DNAH5: variants seen among roughly 807,000 people sequenced by gnomAD.
The protein encoded by DNAH5 is dynein axonemal heavy chain 5, also known as axonemal beta dynein heavy chain 5.
In DNAH5, 372 loss-of-function variants were observed where a neutral mutation model predicts 518.2. That is an observed-to-expected ratio of 0.72 (90% CI 0.66 to 0.78). The LOEUF is 0.78. Among genes scored for constraint, DNAH5 ranks in the 30% least tolerant of loss-of-function variants. The probability of loss-of-function intolerance (pLI) is 0.00; values close to 1 mark genes in which losing one functional copy is unlikely to be tolerated. For missense variants in DNAH5, 5,523 were observed against 5,687.0 expected (o/e 0.97, Z 0.93); for synonymous variants, 2,039 against 2,025.9 (o/e 1.01, Z -0.17).
chr5:13,697,193 A>G (rs746561928), intron 78 of DNAH5, among the ~76,000 whole-genome samples: 1 of 152,192 alleles, frequency 6.6e-6, no homozygotes, highest in Non-Finnish European at 1.5e-5. Flanking sequence ...CTAAAATACT[A>G]TTTTTGGCTA....
Position 13,904,865 on chromosome 5 carries a change from C to T in DNAH5, c.1645-2727G>A, listed in dbSNP as rs1031449237. 1.1e-4 allele frequency among the ~76,000 whole-genome samples: 17 copies of T among 151,954 alleles called. No homozygotes were observed. In the Middle Eastern group the frequency reaches 0.02, roughly 182 times the overall value. ...GATCGAGGCTGCTGTGAGCCAAGATCGCACCACTGCACTCCAGCCTGGGTG... is the reference window on the plus strand; with the variant it reads ...GATCGAGGCTGCTGTGAGCCAAGATTGCACCACTGCACTCCAGCCTGGGTG... On this transcript the variant is annotated intron_variant, in intron 12 of 78. Coordinates refer to ENST00000265104, the MANE Select transcript of DNAH5 (RefSeq NM_001369.3).
At chr5:13,721,708 G>T (rs1464021722) in intron 70 of DNAH5, among the ~76,000 whole-genome samples, 1 of 152,170 alleles carries the variant, frequency 6.6e-6, no homozygotes, top group East Asian at 1.9e-4. Context: ...TTGAATGAAT[G>T]AATTAGTTTT....
intron 75 of DNAH5, among the ~76,000 whole-genome samples, chr5:13,711,757 C>T (rs996524585): frequency 1.3e-5 from 2 of 152,120 alleles, no homozygotes; most frequent in African/African-American, 4.8e-5. Flanking sequence ...AAATCAAGAA[C>T]GCAACCCCTT....
intron 18 of DNAH5, 58 bp from the exon 19 acceptor site, chr5:13,885,286 T>G: frequency 6.3e-7 from 1 of 1,578,596 alleles, no homozygotes; most frequent in Non-Finnish European, 8.7e-7. Context: ...GATGGATAGA[T>G]AGACAGATAG....
At chr5:13,748,160 C>G (rs1360913635) in intron 65 of DNAH5, among the ~76,000 whole-genome samples, 3 of 152,058 alleles carry the variant, frequency 2.0e-5, no homozygotes, top group Non-Finnish European at 4.4e-5. Flanking sequence ...GCTTGTTTTT[C>G]TCAGGTTTGT....
Position 13,900,322 on chromosome 5 carries a change from A to T in DNAH5, c.2143T>A (p.Leu715Ile). The change falls in exon 15 of 79, where the codon TTA (leucine) becomes ATA (isoleucine). Residue 715 changes from leucine to isoleucine, a missense_variant. Physicochemically the swap from Leu to Ile is conservative, Grantham distance 5. This residue lies in a region of DNAH5 where 5,121 missense variants were observed against 5,223.3 expected (regional missense o/e 0.98). Transcript: ENST00000265104. ...CACTCTGTTTCTCTAAATAAGATTAATATCTGAGGGTCAAAGTTTACAAAC... is the reference window on the plus strand; with the variant it reads ...CACTCTGTTTCTCTAAATAAGATTATTATCTGAGGGTCAAAGTTTACAAAC... ...ELFVNFDPQILILFRETECMA... is the reference protein window; with the variant it reads ...ELFVNFDPQIIILFRETECMA... 20 of 1,614,144 alleles carry T rather than the reference A, an allele frequency of 1.2e-5. No individual in the cohort carries two copies. Among genetic ancestry groups the T allele is most frequent in the Non-Finnish European group, 1.6e-5 (19 of 1,180,004 alleles).
chr5:13,784,805 TC>T (rs781625978), intron 52 of DNAH5, among the ~76,000 whole-genome samples: 209 of 152,298 alleles, frequency 1.4e-3, no homozygotes, highest in Non-Finnish European at 2.5e-3. Context: ...CATGGCATTT[TC>T]TTGCACTGTA....
intron 30 of DNAH5, among the ~76,000 whole-genome samples, chr5:13,854,477 C>T (rs1452956153): frequency 6.6e-6 from 1 of 152,124 alleles, no homozygotes; most frequent in African/African-American, 2.4e-5. Flanking sequence ...GACAAAATAA[C>T]CAGCTAGCAT....
chr5:13,737,439 CCTT>C lies in DNAH5; in HGVS notation c.11265_11267del (p.Arg3756del). 1.2e-6 allele frequency: 2 copies of C among 1,614,100 alleles called. No individual in the cohort carries two copies. Among genetic ancestry groups the C allele is most frequent in the Admixed American group, 3.3e-5 (2 of 60,002 alleles). ...GCAAGTTATCTTCTAGTTCCTTCAT[CCTT>C]CTTTTGTTTGCAGTTACATCTTCCA... On this transcript the variant is annotated inframe_deletion, in exon 66 of 79. Transcript: ENST00000265104.
intron 9 of DNAH5, 132 bp from the exon 10 acceptor site, chr5:13,914,774 T>C: frequency 2.3e-6 from 2 of 886,406 alleles, no homozygotes; most frequent in Non-Finnish European, 3.5e-6. Flanking sequence ...TTATTTTTTT[T>C]CCATCACAGT....
At chr5:13,699,294 A>G (rs935205465) in intron 78 of DNAH5, among the ~76,000 whole-genome samples, 9 of 152,178 alleles carry the variant, frequency 5.9e-5, no homozygotes, top group African/African-American at 1.4e-4. Context: ...TTTACTTACT[A>G]CGGGTCTCCT....
At chr5:13,741,210 T>C (rs922717679) in intron 65 of DNAH5, among the ~76,000 whole-genome samples, 1 of 152,190 alleles carries the variant, frequency 6.6e-6, no homozygotes, top group Non-Finnish European at 1.5e-5. Flanking sequence ...ACCCCTGGCC[T>C]CTGCTTTATG....
chr5:13,765,960 C>T lies in DNAH5; in HGVS notation c.10101+16G>A, dbSNP rs1432935468. On this transcript the variant is annotated intron_variant, in intron 59 of 78. Transcript: ENST00000265104. ...GAATGAGTTCCCTCTTAGCCCATCA[C>T]CACTGAACTACCAACCTGTAAGTTC... The T allele has an allele frequency of 6.2e-7, 1 of 1,612,832 alleles. No individual in the cohort carries two copies. Among genetic ancestry groups the T allele is most frequent in the Non-Finnish European group, 8.5e-7 (1 of 1,178,890 alleles).
Position 13,873,305 on chromosome 5 carries a change from T to G in DNAH5, c.3397-1540A>C, listed in dbSNP as rs181258184. 1.5e-4 allele frequency among the ~76,000 whole-genome samples: 23 copies of G among 152,294 alleles called. No homozygotes were observed. The East Asian group carries it at 4.4e-3, about 29-fold the overall frequency. On this transcript the variant is annotated intron_variant, in intron 22 of 78. Transcript: ENST00000265104. ...AAGTTCTGTAATTACTATAGTGTTA[T>G]TAAATATGTGAATATTTCACTAAGA...
chr5:13,979,889 G>A (rs1782549720), intron 1 of DNAH5, among the ~76,000 whole-genome samples: 1 of 143,048 alleles, frequency 7.0e-6, no homozygotes, highest in Non-Finnish European at 1.5e-5. Flanking sequence ...TGCCCAGGCT[G>A]GAGTGCAGTG....
chr5:13,908,911 A>T (rs960665731), intron 12 of DNAH5, among the ~76,000 whole-genome samples: 3 of 152,150 alleles, frequency 2.0e-5, no homozygotes, highest in African/African-American at 7.2e-5. Flanking sequence ...AGTCGTGGGA[A>T]GGTATTTTTG....
intron 52 of DNAH5, among the ~76,000 whole-genome samples, chr5:13,781,980 T>A (rs1561244661): frequency 6.6e-6 from 1 of 152,164 alleles, no homozygotes; most frequent in Non-Finnish European, 1.5e-5. Flanking sequence ...CAGAAGTCCA[T>A]GTTTATTTGG....
intron 1 of DNAH5, among the ~76,000 whole-genome samples, chr5:14,009,095 AAAGT>A (rs1415398117): frequency 6.6e-6 from 1 of 152,260 alleles, no homozygotes; most frequent in Non-Finnish European, 1.5e-5. Flanking sequence ...ATTCATAAAC[AAAGT>A]AATGAGTGAG....
At position 13,792,157 on chromosome 5, in the gene DNAH5, G is replaced by A. The variant is rs1242293300; in HGVS notation, c.8285C>T (p.Ser2762Phe). The change falls in exon 50 of 79, where the codon TCT becomes TTT. Residue 2762 changes from serine (S) to phenylalanine (F), a missense_variant. Ser to Phe is a radical substitution (Grantham distance 155). Transcript: ENST00000265104. ...QRGFSEEVRDSVTKLVPLTRR... is the reference protein window; with the variant it reads ...QRGFSEEVRDFVTKLVPLTRR... ...TGTCAGAGGCACCAATTTTGTCACA[G>A]AATCTCTCACTTCTTCTGAGAAACC... 1.2e-6 allele frequency: 2 copies of A among 1,613,844 alleles called. No homozygotes were observed. The highest frequency in any genetic ancestry group is 1.7e-6 in the Non-Finnish European group (2 of 1,179,954).
Sources: allele counts gnomAD v4.1 joint callset (sites outside exome capture counted in the v4.1 genomes callset), GRCh38; gene constraint gnomAD v4.1.1; regional missense constraint gnomAD v4.1.1; transcripts MANE v1.5; gene names NCBI Gene and HGNC (gene_info 2026-07-23, HGNC 2026-07-21).